Variants in FCHSD2 observed in about 807,000 individuals in gnomAD.
FCHSD2 encodes the protein F-BAR and double SH3 domains protein 2.
FCHSD2 carries 38 observed loss-of-function variants against 108.1 expected under a neutral mutation model. The observed-to-expected ratio is 0.35, with a 90% CI of 0.27 to 0.46. The LOEUF (loss-of-function observed/expected upper bound fraction) is 0.46, where lower values mean the gene tolerates loss of function less well. FCHSD2 is among the 20% of genes least tolerant of loss of function. FCHSD2 has a pLI of 1.00. For missense variants in FCHSD2, 751 were observed against 897.8 expected (o/e 0.84, Z 2.09); for synonymous variants, 279 against 314.7 (o/e 0.89, Z 1.20).
rs554827121 is a variant in FCHSD2, at chr11:72,878,302, A to G, written c.1146+9168T>C. ...GAGACCCTGTCTCTAAAAATAAGTA[A>G]AATCCCTCTAATTGTCCATGTTAAT... On this transcript the variant is annotated intron_variant, in intron 12 of 19. Coordinates refer to ENST00000409418, the MANE Select transcript of FCHSD2 (RefSeq NM_014824.3). Among the ~76,000 whole-genome samples, 8 of 152,324 alleles carry G rather than the reference A, an allele frequency of 5.3e-5. No individual in the cohort carries two copies. In the South Asian group the frequency reaches 1.4e-3, roughly 28 times the overall value.
At chr11:73,067,877 C>T (rs1439496557) in intron 3 of FCHSD2, among the ~76,000 whole-genome samples, 1 of 152,150 alleles carries the variant, frequency 6.6e-6, no homozygotes, top group African/African-American at 2.4e-5. Context: ...ATACTCAAGA[C>T]TGGGTAATTT....
intron 12 of FCHSD2, among the ~76,000 whole-genome samples, chr11:72,881,313 C>T (rs948369433): frequency 6.6e-6 from 1 of 152,060 alleles, no homozygotes; most frequent in African/African-American, 2.4e-5. Context: ...CAAATCAAAA[C>T]CAGATATCAA....
intron 8 of FCHSD2, among the ~76,000 whole-genome samples, chr11:72,925,380 G>A (rs977913690): frequency 2.0e-5 from 3 of 152,130 alleles, no homozygotes; most frequent in Admixed American, 6.5e-5. Flanking sequence ...AAAAATTCCA[G>A]CTGGGTACAG....
chr11:73,068,321 G>C (rs901733482), intron 3 of FCHSD2, among the ~76,000 whole-genome samples: 1 of 150,106 alleles, frequency 6.7e-6, no homozygotes, highest in African/African-American at 2.5e-5. Context: ...CTGAACACCT[G>C]TGCGGTGGGT....
Position 73,015,899 on chromosome 11 carries a change from C to A in FCHSD2, c.166-14G>T. On this transcript the variant is annotated splice_polypyrimidine_tract_variant and intron_variant, in intron 3 of 19. Transcript: ENST00000409418. ...CTTCTGCATACCCTGTTAAAAAATA[C>A]ATATTTTTTCTAAAATAAATATTAT... 6.9e-7 allele frequency: 1 copy of A among 1,451,516 alleles called. No homozygotes were observed. Among genetic ancestry groups the A allele is most frequent in the Non-Finnish European group, 9.5e-7 (1 of 1,051,038 alleles). The allele number at this position is 1,451,516 out of a possible 1,614,324, so 89.9% of individuals were successfully genotyped here. A position where few individuals can be genotyped will look rare whatever the true frequency, so the allele number is the denominator to read the frequency against.
intron 1 of FCHSD2, 83 bp downstream of exon 1, chr11:73,141,774 G>T: frequency 7.1e-7 from 1 of 1,414,472 alleles, no homozygotes; most frequent in Non-Finnish European, 9.6e-7. Context: ...CTTGCGGGAG[G>T]GGGAAGGGGC....
chr11:72,941,173 A>C, intron 8 of FCHSD2: 1 of 364,362 alleles, frequency 2.7e-6, no homozygotes, highest in Non-Finnish European at 5.0e-6. Flanking sequence ...AAATAAATAA[A>C]TAAGCTATTT....
chr11:72,883,549 T>C (rs1377890342), intron 12 of FCHSD2, among the ~76,000 whole-genome samples: 3 of 152,208 alleles, frequency 2.0e-5, no homozygotes, highest in Non-Finnish European at 2.9e-5. Context: ...ATGCTCAGCA[T>C]AGTTAGTTAA....
chr11:73,041,016 T>C (rs546057521), intron 3 of FCHSD2, among the ~76,000 whole-genome samples: 1 of 152,352 alleles, frequency 6.6e-6, no homozygotes, highest in South Asian at 2.1e-4. Flanking sequence ...TCGCTTAACA[T>C]AATGACCTCC....
At position 73,071,840 on chromosome 11, in the gene FCHSD2, T is replaced by C. The variant is rs11235648; in HGVS notation, c.165+11855A>G. Among the ~76,000 whole-genome samples, 533 of 152,206 alleles carry C rather than the reference T, an allele frequency of 3.5e-3. 25 individuals carry two copies. The East Asian group carries it at 0.097, about 28-fold the overall frequency. On this transcript the variant is annotated intron_variant, in intron 3 of 19. Transcript: ENST00000409418. ...TAACTACTGTATCCCTCAAAGGTTA[T>C]AGGGAAAACATAAATGAGTTAATCT...
chr11:72,972,414 A>C (rs1857024342), intron 8 of FCHSD2, among the ~76,000 whole-genome samples: 1 of 152,228 alleles, frequency 6.6e-6, no homozygotes, highest in African/African-American at 2.4e-5. Context: ...AAGGTGCCCT[A>C]GTATTCAGCC....
chr11:72,965,371 A>T (rs931602995), intron 8 of FCHSD2, among the ~76,000 whole-genome samples: 4 of 152,194 alleles, frequency 2.6e-5, no homozygotes, highest in African/African-American at 9.6e-5. Context: ...TCTTCTATGC[A>T]CTAAAACACA....
At chr11:73,048,614 GTTC>G (rs1340620597) in intron 3 of FCHSD2, among the ~76,000 whole-genome samples, 2 of 152,210 alleles carry the variant, frequency 1.3e-5, no homozygotes, top group Non-Finnish European at 2.9e-5. Context: ...CCTGGGGCAA[GTTC>G]TTCTTACAGT....
chr11:72,878,490 G>A (rs1855015232), intron 12 of FCHSD2, among the ~76,000 whole-genome samples: 1 of 152,156 alleles, frequency 6.6e-6, no homozygotes, highest in African/African-American at 2.4e-5. Flanking sequence ...GAGCTTCTTG[G>A]AGAAACAGCT....
At chr11:73,043,723 G>A (rs1291367223) in intron 3 of FCHSD2, among the ~76,000 whole-genome samples, 1 of 152,118 alleles carries the variant, frequency 6.6e-6, no homozygotes, top group Non-Finnish European at 1.5e-5. Flanking sequence ...TTTGGCCAAG[G>A]AAATATTAAG....
chr11:73,046,303 T>A (rs921826010), intron 3 of FCHSD2, among the ~76,000 whole-genome samples: 1 of 152,110 alleles, frequency 6.6e-6, no homozygotes, highest in African/African-American at 2.4e-5. Flanking sequence ...CTGTAAGAAT[T>A]TTTGAAAAGC....
intron 5 of FCHSD2, among the ~76,000 whole-genome samples, chr11:72,997,073 T>C (rs1857531828): frequency 6.6e-6 from 1 of 152,098 alleles, no homozygotes; most frequent in African/African-American, 2.4e-5. Context: ...AGTCCAAAAA[T>C]CTGTATGCAA....
At position 73,018,827 on chromosome 11, in the gene FCHSD2, C is replaced by A. The variant is rs564494233; in HGVS notation, c.166-2942G>T. Among the ~76,000 whole-genome samples, 6 of 152,234 alleles carry A rather than the reference C, an allele frequency of 3.9e-5. No individual in the cohort carries two copies. The South Asian group carries it at 1.2e-3, about 32-fold the overall frequency. On this transcript the variant is annotated intron_variant, in intron 3 of 19. Coordinates refer to ENST00000409418, the MANE Select transcript of FCHSD2 (RefSeq NM_014824.3). ...AATTACAGTCAAATTTGACCATCTT[C>A]ACTATTTTAAGAGAAATATGTGTGG...
chr11:72,963,408 A>C (rs569681964), intron 8 of FCHSD2, among the ~76,000 whole-genome samples: 77 of 152,338 alleles, frequency 5.1e-4, no homozygotes, highest in African/African-American at 1.8e-3. Flanking sequence ...TAAGTGAGGC[A>C]TACAGAAGGG....
Sources: gnomAD v4.1 joint callset for allele counts (sites outside exome capture counted in the v4.1 genomes callset) on GRCh38, gnomAD v4.1.1 for gene constraint, MANE v1.5 for transcripts, NCBI Gene and HGNC (gene_info 2026-07-23, HGNC 2026-07-21) for gene names.